Variants in UBTD2 observed in about 807,000 individuals in gnomAD.
UBTD2 encodes the protein ubiquitin domain-containing protein 2.
Under a neutral mutation model 19.8 loss-of-function variants are expected in UBTD2, and 9 were observed. The ratio of observed to expected loss-of-function variants is 0.46; its 90% confidence interval spans 0.27 to 0.79. UBTD2 has a LOEUF of 0.79. UBTD2 is among the 30% of genes least tolerant of loss of function. The probability of loss-of-function intolerance (pLI) is 0.14; values close to 1 mark genes in which losing one functional copy is unlikely to be tolerated. For missense variants in UBTD2, 250 were observed against 300.4 expected (o/e 0.83, Z 1.24); for synonymous variants, 98 against 103.9 (o/e 0.94, Z 0.35).
At position 172,239,155 on chromosome 5, in the gene UBTD2, T is replaced by C. The variant is rs79028472; in HGVS notation, c.71-4797A>G. ...AACAATCAATACAATATGCAAATCT[T>C]CTCTACTGTTTGAGAATTTAAAGGT... On this transcript the variant is annotated intron_variant, in intron 1 of 2. Coordinates refer to ENST00000393792, the MANE Select transcript of UBTD2 (RefSeq NM_152277.3). Among the ~76,000 whole-genome samples, 935 of 152,286 alleles carry C rather than the reference T, an allele frequency of 6.1e-3. 7 individuals carry two copies. The highest frequency in any genetic ancestry group is 0.022 in the African/African-American group (898 of 41,554).
At chr5:172,240,422 C>T (rs1230147586) in intron 1 of UBTD2, among the ~76,000 whole-genome samples, 1 of 152,094 alleles carries the variant, frequency 6.6e-6, no homozygotes, top group Non-Finnish European at 1.5e-5. Flanking sequence ...TAAAGCTTAC[C>T]AATTGAAGCA....
At chr5:172,262,446 C>CAAAAAAAAA (rs1191776236) in intron 1 of UBTD2, among the ~76,000 whole-genome samples, 2 of 48,886 alleles carry the variant, frequency 4.1e-5, no homozygotes, top group Non-Finnish European at 8.3e-5. Flanking sequence ...ACAGATCCAC[C>CAAAAAAAAA]AAAAAAAAAA....
intron 1 of UBTD2, among the ~76,000 whole-genome samples, chr5:172,270,546 CG>C (rs1383443012): frequency 6.6e-6 from 1 of 151,646 alleles, no homozygotes; most frequent in Non-Finnish European, 1.5e-5. Flanking sequence ...TAGTAAAAGA[CG>C]GGGTTTCAAT....
chr5:172,264,163 C>G (rs1755326881), intron 1 of UBTD2, among the ~76,000 whole-genome samples: 1 of 151,994 alleles, frequency 6.6e-6, no homozygotes, highest in Admixed American at 6.6e-5. Context: ...ACTGCAGCCT[C>G]GACAAGTATT....
intron 1 of UBTD2, among the ~76,000 whole-genome samples, chr5:172,268,506 G>A (rs899652997): frequency 4.6e-5 from 7 of 152,180 alleles, no homozygotes; most frequent in Non-Finnish European, 1.0e-4. Context: ...AAAAGTCAAT[G>A]TCGGCCGGGC....
intron 1 of UBTD2, among the ~76,000 whole-genome samples, chr5:172,267,189 AT>A (rs1430238605): frequency 6.6e-5 from 10 of 152,078 alleles, no homozygotes; most frequent in African/African-American, 2.4e-4. Context: ...TATTTTTGCT[AT>A]TTTTAAGAAC....
intron 1 of UBTD2, among the ~76,000 whole-genome samples, chr5:172,239,205 C>T (rs1044625602): frequency 6.6e-6 from 1 of 152,240 alleles, no homozygotes; most frequent in East Asian, 1.9e-4. Context: ...ATTGTATAAT[C>T]CAACCTTACT....
chr5:172,240,485 T>TG (rs1404708671), intron 1 of UBTD2, among the ~76,000 whole-genome samples: 1 of 151,686 alleles, frequency 6.6e-6, no homozygotes, highest in Admixed American at 6.6e-5. Flanking sequence ...GTAGCTTTAT[T>TG]GGGGGGAAAA....
chr5:172,261,129 C>G (rs1404552198), intron 1 of UBTD2, among the ~76,000 whole-genome samples: 2 of 152,180 alleles, frequency 1.3e-5, no homozygotes, highest in African/African-American at 2.4e-5. Flanking sequence ...CCCCCTCCCC[C>G]GCTTCTAAGT....
chr5:172,219,371 A>T (rs543225115), intron 2 of UBTD2, among the ~76,000 whole-genome samples: 1 of 152,248 alleles, frequency 6.6e-6, no homozygotes, highest in South Asian at 2.1e-4. Flanking sequence ...CACACAATTC[A>T]CAAGTTTTAA....
rs115694475 is a variant in UBTD2 at position 172,273,756 on chromosome 5, A to G, written c.70+9840T>C. Among the ~76,000 whole-genome samples, 490 of 152,152 alleles carry G rather than the reference A, an allele frequency of 3.2e-3. 1 individual carries two copies. Among genetic ancestry groups the G allele is most frequent in the African/African-American group, 0.011 (468 of 41,494 alleles). Reference sequence around the variant, plus strand: ...TTTTAATGTAAACTCTAGTGCTAAAACTTTTCCCAAAGAGGATTCAGCTCT... The same window carrying G: ...TTTTAATGTAAACTCTAGTGCTAAAGCTTTTCCCAAAGAGGATTCAGCTCT... On this transcript the variant is annotated intron_variant, in intron 1 of 2. Coordinates refer to ENST00000393792, the MANE Select transcript of UBTD2 (RefSeq NM_152277.3).
In UBTD2 at chr5:172,283,023, T is replaced by TC. The variant is rs1426407158; in HGVS notation, c.70+572dup. Among the ~76,000 whole-genome samples, 4 of 151,680 alleles carry TC rather than the reference T, an allele frequency of 2.6e-5. No individual in the cohort carries two copies. The highest frequency in any genetic ancestry group is 5.9e-5 in the Non-Finnish European group (4 of 67,946). On this transcript the variant is annotated intron_variant, in intron 1 of 2. Coordinates refer to ENST00000393792, the MANE Select transcript of UBTD2 (RefSeq NM_152277.3). The surrounding 1 kb of genome is among the most constrained non-coding windows in gnomAD (Gnocchi z 4.3). ...CCCGGGAAGACCGTTTCCCCACCCC[T>TC]CCTTAATACAATGCCTGCGGCCACT... is the stretch of plus-strand genomic sequence containing the variant.
chr5:172,274,627 T>A (rs973191551), intron 1 of UBTD2, among the ~76,000 whole-genome samples: 2 of 152,246 alleles, frequency 1.3e-5, no homozygotes, highest in African/African-American at 4.8e-5. Context: ...TCAAAAGGGC[T>A]ACTGGTATAT....
chr5:172,281,513 G>A (rs1015123193), intron 1 of UBTD2, among the ~76,000 whole-genome samples: 3 of 151,980 alleles, frequency 2.0e-5, no homozygotes, highest in African/African-American at 4.8e-5. Context: ...ACCAAACCAA[G>A]CCCTCCACAC....
At chr5:172,244,798 G>A (rs1195126036) in intron 1 of UBTD2, among the ~76,000 whole-genome samples, 3 of 151,646 alleles carry the variant, frequency 2.0e-5, no homozygotes, top group African/African-American at 7.3e-5. Context: ...GTGCGATCTC[G>A]GCTCATTGCA....
At chr5:172,215,466 G>A (rs1169521556) in intron 2 of UBTD2, among the ~76,000 whole-genome samples, 1 of 152,182 alleles carries the variant, frequency 6.6e-6, no homozygotes, top group Non-Finnish European at 1.5e-5. Context: ...TCCAGAGGCA[G>A]AGGCTCACAA....
intron 1 of UBTD2, chr5:172,242,403 T>C (rs1378330951): frequency 1.0e-5 from 10 of 985,316 alleles, no homozygotes; most frequent in Non-Finnish European, 1.2e-5. Context: ...CAAGTTCCAA[T>C]CAAGGCTTAT....
chr5:172,215,683 T>A (rs1771527250), intron 2 of UBTD2, among the ~76,000 whole-genome samples: 1 of 152,050 alleles, frequency 6.6e-6, no homozygotes, highest in Non-Finnish European at 1.5e-5. Flanking sequence ...ATGGCTCTAA[T>A]GGATGAAGCA....
chr5:172,247,310 A>G (rs1426211226), intron 1 of UBTD2, among the ~76,000 whole-genome samples: 2 of 152,084 alleles, frequency 1.3e-5, no homozygotes, highest in Non-Finnish European at 2.9e-5. Flanking sequence ...ACATGGCAAT[A>G]TTAAGTATGT....
Sources: allele counts gnomAD v4.1 joint callset (sites outside exome capture counted in the v4.1 genomes callset), GRCh38; gene constraint gnomAD v4.1.1; non-coding constraint Gnocchi (gnomAD v3.1); transcripts MANE v1.5; gene names NCBI Gene and HGNC (gene_info 2026-07-23, HGNC 2026-07-21).